Variants in TENM2 observed in about 807,000 individuals in gnomAD.
The protein encoded by TENM2 is teneurin transmembrane protein 2, also known as teneurin-2.
Under a neutral mutation model 245.2 loss-of-function variants are expected in TENM2, and 52 were observed. That is an observed-to-expected ratio of 0.21 (90% confidence interval 0.17 to 0.27). TENM2 has a LOEUF of 0.27. TENM2 is among the 10% of genes least tolerant of loss of function. The pLI, the probability that TENM2 is intolerant of heterozygous loss-of-function variation, is 1.00. For missense variants in TENM2, 3,046 were observed against 3,666.8 expected, an observed-to-expected ratio of 0.83 and a Z score of 4.37; for synonymous variants, 1,363 against 1,438.9, an observed-to-expected ratio of 0.95 and a Z score of 1.19.
chr5:167,788,773 A>C (rs2150881287), intron 2 of TENM2, among the ~76,000 whole-genome samples: 1 of 152,316 alleles, frequency 6.6e-6, no homozygotes, highest in East Asian at 1.9e-4. Flanking sequence ...GCTCTTCCTT[A>C]GATCATCAGC....
At chr5:168,104,948 G>A (rs1389223063) in intron 9 of TENM2, among the ~76,000 whole-genome samples, 2 of 152,186 alleles carry the variant, frequency 1.3e-5, no homozygotes, top group Non-Finnish European at 2.9e-5. Flanking sequence ...AGGGAGGAGC[G>A]AGGGAACCAC....
chr5:168,066,749 G>T (rs1364507614), intron 7 of TENM2, among the ~76,000 whole-genome samples: 1 of 152,152 alleles, frequency 6.6e-6, no homozygotes, highest in Non-Finnish European at 1.5e-5. Flanking sequence ...AATTCTTATG[G>T]GGATGGTATG....
At chr5:167,742,265 T>G (rs1039276343) in intron 2 of TENM2, among the ~76,000 whole-genome samples, 6 of 152,054 alleles carry the variant, frequency 3.9e-5, no homozygotes, top group African/African-American at 1.4e-4. Flanking sequence ...ACTTTTATTT[T>G]TATCCCCTTA....
intron 2 of TENM2, among the ~76,000 whole-genome samples, chr5:167,425,956 G>T (rs981885342): frequency 2.0e-5 from 3 of 152,222 alleles, no homozygotes; most frequent in Admixed American, 2.0e-4. Flanking sequence ...TTAAATTAGG[G>T]TCAATTGAAG....
At chr5:167,041,266 G>T in the TENM2 span, among the ~76,000 whole-genome samples, 1 of 152,164 alleles carries the variant, frequency 6.6e-6, no homozygotes, top group African/African-American at 2.4e-5. Flanking sequence ...AATACCTAAG[G>T]AATGTCACAG....
At chr5:167,021,634 A>G in the TENM2 span, among the ~76,000 whole-genome samples, 1 of 152,230 alleles carries the variant, frequency 6.6e-6, no homozygotes, top group Non-Finnish European at 1.5e-5. Context: ...ATCTTTGTTC[A>G]TGAATCTAAA....
chr5:167,383,686 C>T (rs1397001693), intron 2 of TENM2, among the ~76,000 whole-genome samples: 2 of 138,696 alleles, frequency 1.4e-5, no homozygotes, highest in African/African-American at 5.4e-5. Flanking sequence ...GAGATCATGT[C>T]TCTAAGATAT....
At chr5:167,677,170 C>T (rs148954002) in intron 2 of TENM2, among the ~76,000 whole-genome samples, 1,916 of 152,094 alleles carry the variant, frequency 0.013, 32 homozygotes, top group Middle Eastern at 0.017. Context: ...CTAGTTACCC[C>T]AAGAGAATAA....
exon 22 of TENM2, chr5:168,216,869 G>C (rs1159018387): frequency 8.7e-6 from 14 of 1,613,870 alleles, no homozygotes; most frequent in Non-Finnish European, 1.2e-5. Context: ...GGGCTCCAAT[G>C]ACCTCACTGC....
intron 12 of TENM2, among the ~76,000 whole-genome samples, chr5:168,151,920 C>T (rs1756688112): frequency 6.6e-6 from 1 of 152,212 alleles, no homozygotes; most frequent in African/African-American, 2.4e-5. Context: ...TTCCAGGCTG[C>T]CTCTTGGGGC....
At chr5:167,591,596 T>G (rs1399365937) in intron 2 of TENM2, among the ~76,000 whole-genome samples, 4 of 152,238 alleles carry the variant, frequency 2.6e-5, no homozygotes, top group African/African-American at 9.6e-5. Flanking sequence ...GTGGTTGTAG[T>G]TGAAGTAGGC....
chr5:167,439,422 A>G (rs1764761580), intron 2 of TENM2, among the ~76,000 whole-genome samples: 1 of 152,200 alleles, frequency 6.6e-6, no homozygotes, highest in Non-Finnish European at 1.5e-5. Context: ...TGGTGTAAAC[A>G]TCTCAAATCG....
intron 2 of TENM2, among the ~76,000 whole-genome samples, chr5:167,496,618 A>G (rs1347887470): frequency 6.6e-6 from 1 of 152,244 alleles, no homozygotes; most frequent in East Asian, 1.9e-4. Flanking sequence ...CTCCATTACA[A>G]TGCCGCTTTC....
At chr5:167,354,673 A>G (rs1319876614) in intron 1 of TENM2, among the ~76,000 whole-genome samples, 1 of 152,218 alleles carries the variant, frequency 6.6e-6, no homozygotes, top group Non-Finnish European at 1.5e-5. Flanking sequence ...TTTGAATTGA[A>G]GTTTCCCCAC....
At chr5:167,979,881 G>T (rs375052845) in intron 4 of TENM2, among the ~76,000 whole-genome samples, 18 of 152,256 alleles carry the variant, frequency 1.2e-4, no homozygotes, top group African/African-American at 4.3e-4. Context: ...GAAAACCAGA[G>T]TGACGGGATT....
At chr5:167,994,653 C>A (rs1783917407) in intron 5 of TENM2, among the ~76,000 whole-genome samples, 1 of 152,202 alleles carries the variant, frequency 6.6e-6, no homozygotes, top group African/African-American at 2.4e-5. Context: ...GGAATGCCCT[C>A]CCAAAGTGAG....
chr5:167,937,814 C>T (rs1778849388), intron 3 of TENM2: 2 of 152,118 alleles, frequency 1.3e-5, no homozygotes, highest in African/African-American at 4.8e-5. Context: ...TGTTCAAAGA[C>T]ATATAGAGAG....
chr5:167,597,914 C>T (rs916042417), intron 2 of TENM2, among the ~76,000 whole-genome samples: 3 of 152,194 alleles, frequency 2.0e-5, no homozygotes, highest in South Asian at 2.1e-4. Context: ...TAGTTCTTTA[C>T]TGCCTGGCAT....
chr5:167,494,805 G>C (rs1224969218), intron 2 of TENM2, among the ~76,000 whole-genome samples: 1 of 152,046 alleles, frequency 6.6e-6, no homozygotes, highest in Non-Finnish European at 1.5e-5. Flanking sequence ...AGCAAGACTT[G>C]AAGTTGGACT....
Sources: allele counts gnomAD v4.1 joint callset (sites outside exome capture counted in the v4.1 genomes callset), GRCh38; gene constraint gnomAD v4.1.1; transcripts MANE v1.5; gene names NCBI Gene and HGNC (gene_info 2026-07-23, HGNC 2026-07-21).